WDR72: variants seen among roughly 807,000 people sequenced by gnomAD.
The protein encoded by WDR72 is WD repeat domain 72.
Under a neutral mutation model 124.2 loss-of-function variants are expected in WDR72, and 120 were observed. The ratio of observed to expected loss-of-function variants is 0.97; its 90% confidence interval spans 0.83 to 1.12. WDR72 has a LOEUF of 1.12. Among genes scored for constraint, WDR72 ranks in the 50% most tolerant of loss-of-function variants. The probability of loss-of-function intolerance (pLI) is 0.00; values close to 1 mark genes in which losing one functional copy is unlikely to be tolerated. For missense variants in WDR72, 1,387 were observed against 1,278.8 expected (o/e 1.08, Z -1.29); for synonymous variants, 452 against 441.7 (o/e 1.02, Z -0.29).
upstream of WDR72, chr15:53,759,723 C>CCGCCCCGCCCGCCT (rs2019021106): frequency 6.6e-6 from 1 of 150,996 alleles, no homozygotes; most frequent in African/African-American, 2.4e-5. Context: ...CCGCCTCGCC[C>CCGCCCCGCCCGCCT]CGCCCCGCCC....
intron 14 of WDR72, among the ~76,000 whole-genome samples, chr15:53,639,487 A>ATTTTATTTATTTATAAAATTATATATAC (rs2014753272): frequency 6.9e-6 from 1 of 145,694 alleles, no homozygotes; most frequent in Admixed American, 6.8e-5. Flanking sequence ...ATTTTATATA[A>ATTTTATTTATTTATAAAATTATATATAC]TTTTATTTAT....
chr15:53,610,516 T>G (rs1401353400), intron 16 of WDR72, among the ~76,000 whole-genome samples: 2 of 151,952 alleles, frequency 1.3e-5, no homozygotes, highest in Non-Finnish European at 2.9e-5. Flanking sequence ...CTATTTAAAT[T>G]AGCATTTGTC....
At chr15:53,628,623 G>A (rs949084541) in intron 14 of WDR72, among the ~76,000 whole-genome samples, 1 of 152,060 alleles carries the variant, frequency 6.6e-6, no homozygotes, top group African/African-American at 2.4e-5. Context: ...ATGGTACTTA[G>A]ATACAAAAAG....
intron 7 of WDR72, among the ~76,000 whole-genome samples, chr15:53,712,023 G>C (rs920727074): frequency 1.3e-5 from 2 of 152,094 alleles, no homozygotes; most frequent in Non-Finnish European, 2.9e-5. Context: ...AGAAAATAAC[G>C]TTTGTCCCTC....
chr15:53,686,099 C>A (rs2016612338), intron 13 of WDR72, among the ~76,000 whole-genome samples: 1 of 149,100 alleles, frequency 6.7e-6, no homozygotes, highest in Non-Finnish European at 1.5e-5. Context: ...CCAGCCACTG[C>A]AAAATCATGC....
chr15:53,730,957 G>A (rs914375848), intron 2 of WDR72, among the ~76,000 whole-genome samples: 1 of 152,010 alleles, frequency 6.6e-6, no homozygotes, highest in African/African-American at 2.4e-5. Context: ...GGGGGGGCAA[G>A]ATTCATGGGA....
At chr15:53,607,760 T>C (rs2013350272) in intron 17 of WDR72, among the ~76,000 whole-genome samples, 1 of 152,144 alleles carries the variant, frequency 6.6e-6, no homozygotes, top group Non-Finnish European at 1.5e-5. Flanking sequence ...ACTACCCATC[T>C]GACAAGGGAT....
intron 13 of WDR72, among the ~76,000 whole-genome samples, chr15:53,671,833 G>A (rs369832618): frequency 2.6e-5 from 4 of 151,988 alleles, no homozygotes; most frequent in East Asian, 3.9e-4. Context: ...TTCTTGCTTC[G>A]TGGACTACAG....
chr15:53,586,921 C>T (rs1050273208), intron 18 of WDR72, among the ~76,000 whole-genome samples: 2 of 151,790 alleles, frequency 1.3e-5, no homozygotes, highest in Admixed American at 6.6e-5. Flanking sequence ...TAAAGGGGAG[C>T]GGGACAGAAA....
At chr15:53,657,981 A>C (rs1468090168) in intron 14 of WDR72, among the ~76,000 whole-genome samples, 2 of 152,222 alleles carry the variant, frequency 1.3e-5, no homozygotes, top group African/African-American at 4.8e-5. Flanking sequence ...AGCTGACTTC[A>C]TTGAAAAAGG....
intron 18 of WDR72, among the ~76,000 whole-genome samples, chr15:53,535,066 T>A (rs769078793): frequency 6.6e-6 from 1 of 152,120 alleles, no homozygotes; most frequent in African/African-American, 2.4e-5. Flanking sequence ...TAAAGAGGAT[T>A]TGTCATAATT....
chr15:53,670,975 C>A (rs2015965095), intron 13 of WDR72, among the ~76,000 whole-genome samples: 1 of 152,188 alleles, frequency 6.6e-6, no homozygotes, highest in South Asian at 2.1e-4. Context: ...ATCAGCCTTT[C>A]CTCACAGGCT....
chr15:53,527,322 C>A (rs889590757), intron 18 of WDR72, among the ~76,000 whole-genome samples: 25 of 152,036 alleles, frequency 1.6e-4, no homozygotes, highest in African/African-American at 6.0e-4. Flanking sequence ...CTTTTCTCCT[C>A]ACTTGCAGAA....
intron 18 of WDR72, among the ~76,000 whole-genome samples, chr15:53,572,102 T>A (rs182348033): frequency 0.011 from 1,655 of 152,238 alleles, 43 homozygotes; most frequent in African/African-American, 0.038. Context: ...ATTCCTTATA[T>A]ATTTTGAATA....
chr15:53,545,695 G>A (rs1595750084), intron 18 of WDR72, among the ~76,000 whole-genome samples: 2 of 133,678 alleles, frequency 1.5e-5, no homozygotes, highest in East Asian at 2.0e-4. Context: ...CTTCTGCACC[G>A]CAAAAGAAAC....
At chr15:53,650,568 CCTA>C (rs1567005186) in intron 14 of WDR72, among the ~76,000 whole-genome samples, 1 of 152,140 alleles carries the variant, frequency 6.6e-6, no homozygotes, top group Non-Finnish European at 1.5e-5. Flanking sequence ...TCATTAACCT[CCTA>C]CTTCTTCCCC....
At position 53,710,918 on chromosome 15, in the gene WDR72, C is replaced by T. The variant is rs1210155716; in HGVS notation, c.893G>A (p.Arg298Lys). The change falls in exon 9 of 20, where the codon AGA (arginine) becomes AAA (lysine). Residue 298 changes from arginine to lysine, a missense_variant. By Grantham distance (26) the Arg-to-Lys change is conservative (BLOSUM62 2). Transcript: ENST00000360509. ...LSKSIYPADG[R>K]VLKETIYPHL... The stretch of plus-strand genomic sequence containing the variant: ...AGGATAAATGGTCTCTTTAAGCACT[C>T]TTCCATCAGCAGGGTATATGCTTTT... 6.2e-7 allele frequency: 1 copy of T among 1,613,758 alleles called. No homozygotes were observed. Among genetic ancestry groups the T allele is most frequent in the East Asian group, 2.2e-5 (1 of 44,888 alleles).
intron 18 of WDR72, among the ~76,000 whole-genome samples, chr15:53,578,687 C>T (rs2011749854): frequency 6.6e-6 from 1 of 151,998 alleles, no homozygotes. Flanking sequence ...ATAATCTGCA[C>T]TTTATCCTAA....
At chr15:53,567,106 G>C (rs1243558691) in intron 18 of WDR72, among the ~76,000 whole-genome samples, 1 of 151,996 alleles carries the variant, frequency 6.6e-6, no homozygotes, top group Admixed American at 6.6e-5. Context: ...ATGGCAGGGA[G>C]AATTCTCCCA....
Sources: gnomAD v4.1 joint callset for allele counts (sites outside exome capture counted in the v4.1 genomes callset) on GRCh38, gnomAD v4.1.1 for gene constraint, MANE v1.5 for transcripts, NCBI Gene and HGNC (gene_info 2026-07-23, HGNC 2026-07-21) for gene names.